The following CEP57 variants were observed in gnomAD, a reference collection of about 807,000 sequenced individuals.
The protein encoded by CEP57 is centrosomal protein 57, also known as centrosomal protein of 57 kDa.
A neutral mutation model predicts 68.0 loss-of-function variants in CEP57; 40 were observed. The ratio of observed to expected loss-of-function variants is 0.59; its 90% CI spans 0.46 to 0.77. The LOEUF is 0.77. CEP57 is among the 30% of genes least tolerant of loss of function. CEP57 has a pLI of 0.00. For synonymous variants in CEP57, 219 were observed against 198.7 expected (o/e 1.10, Z -0.86); for missense variants, 606 against 580.7 (o/e 1.04, Z -0.45).
chr11:95,809,096 A>G (rs928344641), intron 2 of CEP57, among the ~76,000 whole-genome samples: 7 of 152,362 alleles, frequency 4.6e-5, no homozygotes, highest in Middle Eastern at 3.4e-3. Context: ...CTGCTCCTGA[A>G]TGACTACTGG....
At chr11:95,818,406 C>T (rs1342996603) in intron 5 of CEP57, among the ~76,000 whole-genome samples, 1 of 137,194 alleles carries the variant, frequency 7.3e-6, no homozygotes, top group Non-Finnish European at 1.6e-5. Flanking sequence ...AGCGAAACTC[C>T]ATCTCAAAAA....
chr11:95,796,625 C>A (rs1861360219), intron 1 of CEP57, among the ~76,000 whole-genome samples: 1 of 152,128 alleles, frequency 6.6e-6, no homozygotes, highest in African/African-American at 2.4e-5. Context: ...TTTATTAGAA[C>A]TTAATTTCTC....
Position 95,812,959 on chromosome 11 carries a change from A to G in CEP57, c.230A>G (p.Gln77Arg), listed in dbSNP as rs1181640479. 1 of 1,613,844 alleles carries G rather than the reference A, an allele frequency of 6.2e-7. No homozygotes were observed. The highest frequency in any genetic ancestry group is 1.3e-5 in the African/African-American group (1 of 74,878). The change falls in exon 3 of 11, where the codon CAA (glutamine) becomes CGA (arginine). Residue 77 changes from glutamine to arginine, a missense_variant. Gln to Arg is a conservative substitution (Grantham distance 43). Coordinates refer to ENST00000325542, the MANE Select transcript of CEP57 (RefSeq NM_014679.5). ...ATATTTTCTGCTCTTAAGAATCTTC[A>G]AGATAAGATTCGACGCTTGGAACTT... ...RAIFSALKNL[Q>R]DKIRRLELER...
chr11:95,820,578 G>GAAAAAAAAAAAAA (rs1565328421), intron 6 of CEP57, among the ~76,000 whole-genome samples: 1 of 52,690 alleles, frequency 1.9e-5, no homozygotes, highest in Admixed American at 1.9e-4. Context: ...GGCAACAAGA[G>GAAAAAAAAAAAAA]CAAAAAAAAA....
intron 1 of CEP57, among the ~76,000 whole-genome samples, chr11:95,790,998 C>G (rs1214514484): frequency 2.0e-5 from 3 of 152,200 alleles, no homozygotes; most frequent in East Asian, 1.9e-4. Flanking sequence ...AGCAACCAAC[C>G]CCGGTTGCCT....
At chr11:95,797,127 G>C (rs1167912528) in intron 1 of CEP57, among the ~76,000 whole-genome samples, 1 of 151,660 alleles carries the variant, frequency 6.6e-6, no homozygotes, top group Non-Finnish European at 1.5e-5. Flanking sequence ...TCAGGGCCTA[G>C]GGCTGAAATT....
chr11:95,820,656 G>A (rs1368526316), intron 6 of CEP57, among the ~76,000 whole-genome samples: 1 of 149,944 alleles, frequency 6.7e-6, no homozygotes, highest in East Asian at 1.9e-4. Flanking sequence ...AAAAAATAAT[G>A]AAAGTGCTTT....
At chr11:95,802,050 G>C (rs1411694797) in intron 2 of CEP57, among the ~76,000 whole-genome samples, 1 of 152,118 alleles carries the variant, frequency 6.6e-6, no homozygotes, top group Admixed American at 6.6e-5. Flanking sequence ...TAAAGGCTGT[G>C]AGATATGAAC....
chr11:95,813,359 G>A (rs995633212), intron 3 of CEP57, 109 bp from the exon 4 acceptor site: 7 of 1,348,452 alleles, frequency 5.2e-6, no homozygotes, highest in African/African-American at 2.9e-5. Flanking sequence ...GTCCAGGTCT[G>A]TGGAAGGTGT....
At chr11:95,828,296 C>T (rs992953986) in intron 9 of CEP57, among the ~76,000 whole-genome samples, 2 of 152,158 alleles carry the variant, frequency 1.3e-5, no homozygotes, top group Non-Finnish European at 2.9e-5. Flanking sequence ...TCATGCATCA[C>T]TGAATGACAA....
At chr11:95,790,389 T>A, upstream of CEP57, 1 of 486,286 alleles carries the variant, frequency 2.1e-6, no homozygotes, top group Non-Finnish European at 3.7e-6. Flanking sequence ...CGGGCCCCGT[T>A]ACGCGCTACC....
chr11:95,807,053 C>A (rs1295882010), intron 2 of CEP57, among the ~76,000 whole-genome samples: 3 of 152,182 alleles, frequency 2.0e-5, no homozygotes, highest in African/African-American at 7.2e-5. Context: ...CAACGTTTGC[C>A]ATTCTGCAAT....
chr11:95,831,424 A>T lies in CEP57; in HGVS notation c.*168A>T, dbSNP rs778247887. 5.4e-5 allele frequency: 31 copies of T among 578,766 alleles called. No homozygotes were observed. The highest frequency in any genetic ancestry group is 9.0e-5 in the Non-Finnish European group (29 of 323,512). The allele number at this position is 578,766 out of a possible 1,614,324, so 35.9% of individuals were successfully genotyped here. ...GCTTTTCATGTATGCAGGATGACTC[A>T]ATGTTAAAGCATTTAAATGGAAACC... On this transcript the variant is annotated 3_prime_UTR_variant, in exon 11 of 11. Transcript: ENST00000325542.
chr11:95,824,304 A>C (rs1472381594), intron 8 of CEP57, among the ~76,000 whole-genome samples: 1 of 152,154 alleles, frequency 6.6e-6, no homozygotes, highest in Non-Finnish European at 1.5e-5. Flanking sequence ...CTACTCTAGC[A>C]GGTGCCAAAA....
At chr11:95,800,124 G>A (rs1861510987) in intron 2 of CEP57, among the ~76,000 whole-genome samples, 1 of 152,122 alleles carries the variant, frequency 6.6e-6, no homozygotes, top group Admixed American at 6.5e-5. Context: ...GCTTATCTGG[G>A]TCCTCTGTTT....
At chr11:95,830,423 T>C (rs977826245) in intron 10 of CEP57, among the ~76,000 whole-genome samples, 1 of 152,178 alleles carries the variant, frequency 6.6e-6, no homozygotes. Context: ...ATTAGACTTA[T>C]TCTATTGGAA....
chr11:95,802,963 A>G (rs1164742974), intron 2 of CEP57, among the ~76,000 whole-genome samples: 1 of 152,180 alleles, frequency 6.6e-6, no homozygotes, highest in Non-Finnish European at 1.5e-5. Flanking sequence ...TCCAGAATCT[A>G]GATGATAGCT....
intron 2 of CEP57, among the ~76,000 whole-genome samples, chr11:95,800,841 G>A (rs954927431): frequency 6.6e-6 from 1 of 152,126 alleles, no homozygotes; most frequent in South Asian, 2.1e-4. Context: ...TCTTTTAGAT[G>A]TTTCTTCATC....
chr11:95,799,356 C>A lies in CEP57; in HGVS notation c.170C>A (p.Pro57His). The change falls in exon 2 of 11, where the codon CCT becomes CAT. Residue 57 changes from proline to histidine, a missense_variant. Coordinates refer to ENST00000325542, the MANE Select transcript of CEP57 (RefSeq NM_014679.5). ...GATCTACGACGCTCCCCAAGTAAGC[C>A]TACACTTGCCTATCCAGAAAGCAAC... ...NSDLRRSPSK[P>H]TLAYPESNSR... 1 of 1,614,012 alleles carries A rather than the reference C, an allele frequency of 6.2e-7. No individual in the cohort carries two copies. Among genetic ancestry groups the A allele is most frequent in the Non-Finnish European group, 8.5e-7 (1 of 1,179,944 alleles).
Sources: allele counts gnomAD v4.1 joint callset (sites outside exome capture counted in the v4.1 genomes callset), GRCh38; gene constraint gnomAD v4.1.1; transcripts MANE v1.5; gene names NCBI Gene and HGNC (gene_info 2026-07-23, HGNC 2026-07-21).